The following PKHD1L1 variants were observed in gnomAD, a reference collection of about 807,000 sequenced individuals.
PKHD1L1 encodes the protein fibrocystin-L.
In PKHD1L1, 434 loss-of-function variants were observed where a neutral mutation model predicts 462.9. That is an observed-to-expected ratio of 0.94 (90% CI 0.87 to 1.02). The LOEUF is 1.02. Among genes scored for constraint, PKHD1L1 ranks in the 50% least tolerant of loss-of-function variants. The pLI is 0.00. For synonymous variants in PKHD1L1, 1,781 were observed against 1,750.0 expected, an observed-to-expected ratio of 1.02 and a Z score of -0.44; for missense variants, 5,202 against 5,096.1, an observed-to-expected ratio of 1.02 and a Z score of -0.63.
At position 109,396,068 on chromosome 8, in the gene PKHD1L1, G is replaced by A. The variant is rs201918447; in HGVS notation, c.853G>A (p.Gly285Ser). ...IFPSQGSIRG[G>S]TTLTISGRFF... is the part of the protein sequence containing the mutation. ...CCCTTCACAAGGAAGCATTCGAGGT[G>A]GCACCACGCTGACAATAAGTGGGCG... The change falls in exon 11 of 78, where the codon GGC (glycine) becomes AGC (serine). Residue 285 changes from glycine (G) to serine (S), a missense_variant. By Grantham distance (56) the Gly-to-Ser change is moderately conservative. Coordinates refer to ENST00000378402, the MANE Select transcript of PKHD1L1 (RefSeq NM_177531.6). 6 of 1,608,376 alleles carry A rather than the reference G, an allele frequency of 3.7e-6. No homozygotes were observed. Among genetic ancestry groups the A allele is most frequent in the Middle Eastern group, 1.7e-4 (1 of 6,058 alleles).
chr8:109,415,396 G>A (rs551899002), intron 21 of PKHD1L1, among the ~76,000 whole-genome samples: 21 of 152,274 alleles, frequency 1.4e-4, no homozygotes, highest in African/African-American at 4.8e-4. Flanking sequence ...TATGTTGGAC[G>A]GGAAAGGAAA....
intron 14 of PKHD1L1, 77 bp from the exon 15 acceptor site, chr8:109,404,477 A>T (rs1813426019): frequency 3.7e-6 from 3 of 810,342 alleles, no homozygotes; most frequent in Non-Finnish European, 5.3e-6. Context: ...GATAATATTG[A>T]TATTTTATTC....
At chr8:109,384,160 T>C in intron 5 of PKHD1L1, 33 bp downstream of exon 5, 2 of 1,473,152 alleles carry the variant, frequency 1.4e-6, no homozygotes, top group Non-Finnish European at 1.9e-6. Context: ...TAACTTTTGG[T>C]TTCATGGTAA....
chr8:109,454,343 C>T, intron 44 of PKHD1L1, 97 bp downstream of exon 44: 5 of 807,904 alleles, frequency 6.2e-6, no homozygotes, highest in Non-Finnish European at 9.4e-6. Flanking sequence ...ATATCAACCT[C>T]TCCTAAGTTT....
At chr8:109,515,020 T>C in intron 71 of PKHD1L1, 150 bp from the exon 72 acceptor site, 1 of 539,186 alleles carries the variant, frequency 1.9e-6, no homozygotes, top group East Asian at 3.3e-5. Context: ...TGTAAGCCCA[T>C]TTTAAAATTT....
intron 68 of PKHD1L1, among the ~76,000 whole-genome samples, chr8:109,507,353 T>C (rs1027775370): frequency 6.6e-6 from 1 of 152,126 alleles, no homozygotes. Flanking sequence ...CTGTGAACAA[T>C]GCACAAATAA....
At position 109,459,815 on chromosome 8, in the gene PKHD1L1, T is replaced by A. The variant is rs1267175872; in HGVS notation, c.7225T>A (p.Cys2409Ser). ...TGAGTGGAATAACAAAATTCCTGCA[T>A]GTCCTGATGGATTTGACACAGGTAA... The part of the protein sequence containing the change: ...NVEWNNKIPA[C>S]PDGFDTGEFA... Residue 2409 changes from cysteine (C) to serine (S), a missense_variant, in exon 47 of 78, where the codon TGT becomes AGT. Cys to Ser is a moderately radical substitution (Grantham distance 112). Transcript: ENST00000378402. The A allele has an allele frequency of 3.1e-6, 5 of 1,610,882 alleles. No homozygotes were observed. The highest frequency in any genetic ancestry group is 4.2e-6 in the Non-Finnish European group (5 of 1,178,280).
At chr8:109,491,810 AGTC>A in intron 61 of PKHD1L1, 60 bp from the exon 62 acceptor site, 3 of 1,415,648 alleles carry the variant, frequency 2.1e-6, no homozygotes, top group Non-Finnish European at 2.9e-6. Context: ...TACTCCTAAT[AGTC>A]GTTGCAAATT....
rs189725989 is a variant in PKHD1L1 at position 109,534,065 on chromosome 8, C to G, written c.*3975C>G. Among the ~76,000 whole-genome samples the G allele has an allele frequency of 9.2e-5, 14 of 152,314 alleles. No individual in the cohort carries two copies. The highest frequency in any genetic ancestry group is 2.9e-4 in the African/African-American group (12 of 41,560). On this transcript the variant is annotated 3_prime_UTR_variant, in exon 78 of 78. Coordinates refer to ENST00000378402, the MANE Select transcript of PKHD1L1 (RefSeq NM_177531.6). ...GCAAAATTTGGAAGGATCAAGAGAACAGAGAGTTAATCCTTCCTAATGGGA... is the reference window on the plus strand; with the variant it reads ...GCAAAATTTGGAAGGATCAAGAGAAGAGAGAGTTAATCCTTCCTAATGGGA...
At chr8:109,444,124 C>A (rs1006886536) in intron 37 of PKHD1L1, among the ~76,000 whole-genome samples, 30 of 151,294 alleles carry the variant, frequency 2.0e-4, no homozygotes, top group East Asian at 7.7e-4. Flanking sequence ...CTCCCCCCCC[C>A]AAAAAAAACC....
Position 109,429,358 on chromosome 8 carries a change from A to G in PKHD1L1, c.3019A>G (p.Ile1007Val), listed in dbSNP as rs370577266. The stretch of plus-strand genomic sequence containing the variant: ...AAAATAGATTAATGATTCCAACATT[A>G]TTGGAGAAAAGGCTAATATGACAGT... ...NLLQINDSNI[I>V]GEKANMTVTR... Residue 1007 changes from isoleucine to valine, a missense_variant, in exon 26 of 78, where the codon ATT becomes GTT. Ile to Val is a conservative substitution (Grantham distance 29). This residue lies in a region of PKHD1L1 where 4,497 missense variants were observed against 4,336.8 expected (regional missense o/e 1.04). Coordinates refer to ENST00000378402, the MANE Select transcript of PKHD1L1 (RefSeq NM_177531.6). 120 of 1,529,090 alleles carry G rather than the reference A, an allele frequency of 7.8e-5. No homozygotes were observed. The highest frequency in any genetic ancestry group is 1.0e-4 in the Non-Finnish European group (117 of 1,116,670). 94.7% of individuals were successfully genotyped at this position (1,529,090 alleles called of 1,614,324 possible).
intron 59 of PKHD1L1, among the ~76,000 whole-genome samples, chr8:109,488,267 T>A (rs1406305891): frequency 6.6e-6 from 1 of 151,948 alleles, no homozygotes; most frequent in Non-Finnish European, 1.5e-5. Flanking sequence ...AGGGAGTTTT[T>A]ATTGTTTTGT....
chr8:109,424,611 T>C (rs535000232), intron 23 of PKHD1L1, among the ~76,000 whole-genome samples: 27 of 152,234 alleles, frequency 1.8e-4, no homozygotes, highest in Non-Finnish European at 3.2e-4. Flanking sequence ...ACAAGTATTT[T>C]TTTTTTTAGC....
At chr8:109,459,444 A>AT (rs11356938) in intron 46 of PKHD1L1, 151 bp from the exon 47 acceptor site, 16 of 483,432 alleles carry the variant, frequency 3.3e-5, no homozygotes, top group Non-Finnish European at 5.1e-5. Context: ...AGAATAAAAT[A>AT]TTTTTTCTAA....
At chr8:109,379,040 T>C (rs1045860549) in intron 2 of PKHD1L1, among the ~76,000 whole-genome samples, 1 of 152,142 alleles carries the variant, frequency 6.6e-6, no homozygotes, top group South Asian at 2.1e-4. Context: ...AGAATGGCCA[T>C]GGGGTGGAGG....
At chr8:109,408,873 T>G (rs937856451) in intron 18 of PKHD1L1, among the ~76,000 whole-genome samples, 5 of 152,170 alleles carry the variant, frequency 3.3e-5, no homozygotes, top group Non-Finnish European at 7.4e-5. Context: ...CGTGATAGGT[T>G]GGAGCCTACC....
intron 67 of PKHD1L1, among the ~76,000 whole-genome samples, chr8:109,499,996 G>A (rs941074922): frequency 1.2e-4 from 19 of 152,150 alleles, no homozygotes; most frequent in African/African-American, 3.9e-4. Context: ...TTGATTTCCC[G>A]GGTATGTGGC....
chr8:109,483,476 A>G (rs1427460621), intron 57 of PKHD1L1, among the ~76,000 whole-genome samples: 1 of 149,056 alleles, frequency 6.7e-6, no homozygotes, highest in African/African-American at 2.4e-5. Flanking sequence ...TATGTAATAT[A>G]TGTCATTAAA....
At chr8:109,434,892 T>A (rs916843544) in intron 28 of PKHD1L1, among the ~76,000 whole-genome samples, 10 of 152,092 alleles carry the variant, frequency 6.6e-5, no homozygotes, top group Non-Finnish European at 7.3e-5. Context: ...AGTTTTTTTT[T>A]TAAAAAAATT....
Sources: gnomAD v4.1 joint callset for allele counts (sites outside exome capture counted in the v4.1 genomes callset) on GRCh38, gnomAD v4.1.1 for gene constraint, gnomAD v4.1.1 regional missense constraint, MANE v1.5 for transcripts, NCBI Gene and HGNC (gene_info 2026-07-23, HGNC 2026-07-21) for gene names.